The following KYNU variants were observed in gnomAD, a reference collection of about 807,000 sequenced individuals.
The protein encoded by KYNU is kynureninase, also known as L-kynurenine hydrolase.
KYNU carries 54 observed loss-of-function variants against 59.2 expected under a neutral mutation model. The ratio of observed to expected loss-of-function variants is 0.91; its 90% CI spans 0.73 to 1.14. The LOEUF (loss-of-function observed/expected upper bound fraction) is 1.14. KYNU is among the 50% of genes most tolerant of loss of function. The pLI, the probability that KYNU is intolerant of heterozygous loss-of-function variation, is 0.00. For synonymous variants in KYNU, 177 were observed against 192.0 expected (o/e 0.92, Z 0.65); for missense variants, 567 against 554.4 (o/e 1.02, Z -0.23).
Position 143,047,697 on chromosome 2 carries a change from G to A in KYNU, c.*5525G>A, listed in dbSNP as rs1276158163. 1 of 151,956 alleles carries A rather than the reference G, an allele frequency of 6.6e-6. No individual in the cohort carries two copies. The highest frequency in any genetic ancestry group is 1.5e-5 in the Non-Finnish European group (1 of 68,142). The allele number at this position is 151,956 out of a possible 1,614,324, so 9.4% of individuals were successfully genotyped here. On this transcript the variant is annotated 3_prime_UTR_variant, in exon 14 of 14. Coordinates refer to ENST00000264170, the MANE Select transcript of KYNU (RefSeq NM_003937.3). ...GTTTCCCAAGCAGCTGGGACTACAG[G>A]CACATGCCACGATGCCAAGCTAATT...
intron 10 of KYNU, among the ~76,000 whole-genome samples, chr2:143,020,873 TCACAGAGGTG>T (rs1245894178): frequency 6.6e-6 from 1 of 152,230 alleles, no homozygotes; most frequent in Non-Finnish European, 1.5e-5. Flanking sequence ...TCATTTATTT[TCACAGAGGTG>T]CATCACATTA....
At chr2:142,972,811 T>TAGAG (rs1269873595) in intron 8 of KYNU, among the ~76,000 whole-genome samples, 130 of 132,316 alleles carry the variant, frequency 9.8e-4, no homozygotes, top group African/African-American at 1.5e-3. Flanking sequence ...TATATATATA[T>TAGAG]ATAGAGAGAG....
chr2:143,013,601 T>C, intron 10 of KYNU, among the ~76,000 whole-genome samples: 1 of 152,232 alleles, frequency 6.6e-6, no homozygotes, highest in Non-Finnish European at 1.5e-5. Context: ...TTCTTTGTTT[T>C]TGTCTATCTG....
rs1433138526 is a variant in KYNU at position 143,031,744 on chromosome 2, G to T, written c.956-1492G>T. On this transcript the variant is annotated intron_variant, in intron 11 of 13. Coordinates refer to ENST00000264170, the MANE Select transcript of KYNU (RefSeq NM_003937.3). The stretch of plus-strand genomic sequence containing the variant: ...TGTCTCAAAAACAAAAACAAAACTA[G>T]TGGGTCAAATTTGGCCCACAGGCCA... Among the ~76,000 whole-genome samples, 3 of 152,024 alleles carry T rather than the reference G, an allele frequency of 2.0e-5. No homozygotes were observed. The South Asian group carries it at 6.2e-4, about 32-fold the overall frequency.
At chr2:142,913,126 G>T (rs1196751183) in intron 2 of KYNU, among the ~76,000 whole-genome samples, 1 of 152,060 alleles carries the variant, frequency 6.6e-6, no homozygotes, top group Non-Finnish European at 1.5e-5. Flanking sequence ...TGCTGATTTT[G>T]TTTATCCTTT....
intron 4 of KYNU, chr2:142,946,968 T>A (rs1186008233): frequency 2.2e-6 from 3 of 1,375,432 alleles, no homozygotes; most frequent in Non-Finnish European, 3.0e-6. Flanking sequence ...CTTGTACTTT[T>A]TGTATTTCAA....
At position 142,963,346 on chromosome 2, in the gene KYNU, A is replaced by G. The variant is rs1573846515; in HGVS notation, c.729+2576A>G. Among the ~76,000 whole-genome samples, 3 of 152,156 alleles carry G rather than the reference A, an allele frequency of 2.0e-5. No homozygotes were observed. In the South Asian group the frequency reaches 6.2e-4, roughly 32 times the overall value. On this transcript the variant is annotated intron_variant, in intron 8 of 13. Coordinates refer to ENST00000264170, the MANE Select transcript of KYNU (RefSeq NM_003937.3). ...CTCTGTCCACTTGGGCTGCTATAAC[A>G]AAATACCTTAAACTGGGTAATTTAA...
chr2:142,966,788 A>G (rs1312738215), intron 8 of KYNU, among the ~76,000 whole-genome samples: 1 of 152,154 alleles, frequency 6.6e-6, no homozygotes, highest in Non-Finnish European at 1.5e-5. Flanking sequence ...CATTTTAAAA[A>G]TACTTAGTGC....
intron 1 of KYNU, among the ~76,000 whole-genome samples, chr2:142,880,889 C>T (rs578108855): frequency 8.5e-5 from 13 of 152,320 alleles, no homozygotes; most frequent in African/African-American, 3.1e-4. Flanking sequence ...AATCAAGTTT[C>T]AGGCATAGCA....
At position 143,020,107 on chromosome 2, in the gene KYNU, T is replaced by G. The variant is rs191584307; in HGVS notation, c.903-9520T>G. On this transcript the variant is annotated intron_variant, in intron 10 of 13. Transcript: ENST00000264170. ...TTGTTGATCTTTTATATTTGTTTTA[T>G]TCTCAATTTTATTTATTTCTATTCT... is the stretch of plus-strand genomic sequence containing the variant. Among the ~76,000 whole-genome samples, 250 of 152,184 alleles carry G rather than the reference T, an allele frequency of 1.6e-3. 2 individuals carry two copies. The highest frequency in any genetic ancestry group is 0.015 in the South Asian group (73 of 4,828).
chr2:142,945,844 T>A (rs1558936797), intron 4 of KYNU, among the ~76,000 whole-genome samples: 1 of 151,910 alleles, frequency 6.6e-6, no homozygotes, highest in Non-Finnish European at 1.5e-5. Flanking sequence ...TTCAAGTGAT[T>A]CTCCTGACTC....
chr2:142,926,424 G>A (rs1683046944), intron 3 of KYNU, among the ~76,000 whole-genome samples: 1 of 152,002 alleles, frequency 6.6e-6, no homozygotes, highest in Non-Finnish European at 1.5e-5. Context: ...TTTCTCTGTA[G>A]TAAAAAAAAA....
At chr2:143,017,441 T>A (rs113564046) in intron 10 of KYNU, among the ~76,000 whole-genome samples, 1 of 77,616 alleles carries the variant, frequency 1.3e-5, no homozygotes. Context: ...TTTCTTTTTT[T>A]TTTTTTTTTT....
intron 4 of KYNU, among the ~76,000 whole-genome samples, chr2:142,938,003 A>G (rs937160746): frequency 2.0e-5 from 3 of 152,224 alleles, no homozygotes; most frequent in Admixed American, 6.5e-5. Context: ...GGAAAATAGC[A>G]TAATAGTGGA....
chr2:143,016,545 C>G (rs1686251049), intron 10 of KYNU, among the ~76,000 whole-genome samples: 1 of 152,130 alleles, frequency 6.6e-6, no homozygotes, highest in Admixed American at 6.5e-5. Context: ...ACATCTCATA[C>G]AAACAACTGT....
intron 10 of KYNU, among the ~76,000 whole-genome samples, chr2:143,025,633 T>A (rs1451279470): frequency 1.3e-5 from 2 of 151,994 alleles, no homozygotes; most frequent in Admixed American, 1.3e-4. Context: ...TAGATAATTT[T>A]TTTTTTAAAC....
intron 8 of KYNU, among the ~76,000 whole-genome samples, chr2:142,966,977 T>TAA (rs112738856): frequency 0.02 from 2,875 of 146,146 alleles, 53 homozygotes; most frequent in Non-Finnish European, 0.029. Context: ...ACACTAGAAT[T>TAA]AAAAAAAAAA....
chr2:142,879,874 C>A (rs1028659091), intron 1 of KYNU, among the ~76,000 whole-genome samples: 1 of 152,154 alleles, frequency 6.6e-6, no homozygotes, highest in Non-Finnish European at 1.5e-5. Flanking sequence ...CTGTTGGTAA[C>A]AAACTAATCT....
At chr2:142,964,734 A>C (rs1218435994) in intron 8 of KYNU, 1 of 152,244 alleles carries the variant, frequency 6.6e-6, no homozygotes. Context: ...ATTAATAAAA[A>C]GAACAATTGA....
Sources: gnomAD v4.1 joint callset for allele counts (sites outside exome capture counted in the v4.1 genomes callset) on GRCh38, gnomAD v4.1.1 for gene constraint, MANE v1.5 for transcripts, NCBI Gene and HGNC (gene_info 2026-07-23, HGNC 2026-07-21) for gene names.